Variants in GPC3 observed in about 807,000 individuals in gnomAD.
GPC3 encodes glypican 3, also known as glypican-3.
In GPC3, 3 loss-of-function variants were observed where a neutral mutation model predicts 34.4. The ratio of observed to expected loss-of-function variants is 0.09; its 90% CI spans 0.04 to 0.23. The LOEUF (loss-of-function observed/expected upper bound fraction) is 0.23, where lower values mean the gene tolerates loss of function less well. Ranked by LOEUF, GPC3 falls within the 10% of genes least tolerant of loss-of-function variation. The probability of loss-of-function intolerance (pLI) is 1.00; values close to 1 mark genes in which losing one functional copy is unlikely to be tolerated. For synonymous variants in GPC3, 177 were observed against 174.0 expected (o/e 1.02, Z -0.13); for missense variants, 351 against 445.6 (o/e 0.79, Z 1.91).
intron 2 of GPC3, among the ~76,000 whole-genome samples, chrX:133,938,056 G>C (rs956809455): frequency 8.9e-6 from 1 of 111,797 alleles, no homozygotes; most frequent in Non-Finnish European, 1.9e-5. Flanking sequence ...TCAACAAATA[G>C]GATGTTTTCC....
At chrX:133,782,613 C>G (rs1166107321) in intron 2 of GPC3, among the ~76,000 whole-genome samples, 3 of 111,695 alleles carry the variant, frequency 2.7e-5, no homozygotes, top group Non-Finnish European at 5.6e-5. Context: ...TAGCACCTTA[C>G]TATAAAACAG....
At chrX:133,912,829 A>C (rs2124608400) in intron 2 of GPC3, among the ~76,000 whole-genome samples, 1 of 112,066 alleles carries the variant, frequency 8.9e-6, no homozygotes, top group Admixed American at 9.4e-5. Flanking sequence ...CAGATGATGT[A>C]TATAAAGCAC....
intron 2 of GPC3, among the ~76,000 whole-genome samples, chrX:133,914,658 C>T (rs1052774078): frequency 9.1e-6 from 1 of 110,128 alleles, no homozygotes; most frequent in Non-Finnish European, 1.9e-5. Flanking sequence ...GTACCTTCCT[C>T]GAGGTGCTGT....
rs182137359 is a variant in GPC3 at position 133,722,019 on chromosome X, G to A, written c.1033-21991C>T. On this transcript the variant is annotated intron_variant, in intron 3 of 7. Transcript: ENST00000370818. ...GACAACCTACAGAATGAGAGATAAC[G>A]TTCTCAAATCATATATCTAATAAGG... is the stretch of plus-strand genomic sequence containing the variant. Among the ~76,000 whole-genome samples the A allele has an allele frequency of 2.0e-3, 216 of 110,662 alleles. 1 individual carries two copies. Among genetic ancestry groups the A allele is most frequent in the Middle Eastern group, 9.3e-3 (2 of 215 alleles).
chrX:133,670,146 C>A (rs2070812887), intron 5 of GPC3, among the ~76,000 whole-genome samples: 1 of 111,746 alleles, frequency 8.9e-6, no homozygotes, highest in Non-Finnish European at 1.9e-5. Flanking sequence ...CTTCTCATTT[C>A]TGTTCTGGCT....
At chrX:133,806,468 T>G (rs2075636013) in intron 2 of GPC3, among the ~76,000 whole-genome samples, 1 of 111,648 alleles carries the variant, frequency 9.0e-6, no homozygotes, top group Admixed American at 9.5e-5. Flanking sequence ...GAAAGTTGTA[T>G]GCTGTACAAG....
At chrX:133,776,282 G>A (rs1390883999) in intron 2 of GPC3, among the ~76,000 whole-genome samples, 3 of 110,892 alleles carry the variant, frequency 2.7e-5, no homozygotes, top group Admixed American at 9.6e-5. Context: ...AATGACTGGC[G>A]CCCCCTCCTG....
At chrX:133,729,114 T>A in intron 3 of GPC3, among the ~76,000 whole-genome samples, 1 of 110,947 alleles carries the variant, frequency 9.0e-6, no homozygotes, top group East Asian at 2.9e-4. Context: ...CTAGCCACCA[T>A]GTTACCCTCT....
At chrX:133,630,547 A>G (rs1453709396) in intron 6 of GPC3, among the ~76,000 whole-genome samples, 1 of 111,873 alleles carries the variant, frequency 8.9e-6, no homozygotes, top group Non-Finnish European at 1.9e-5. Flanking sequence ...TAATGAAATT[A>G]CGAAACTCTA....
At chrX:133,653,639 C>A (rs991451730) in intron 6 of GPC3, among the ~76,000 whole-genome samples, 12 of 111,736 alleles carry the variant, frequency 1.1e-4, no homozygotes, top group Non-Finnish European at 2.3e-4. Context: ...CCCGGTGCAA[C>A]AACTGCCCAA....
chrX:133,579,787 C>T (rs1411409535), intron 7 of GPC3, among the ~76,000 whole-genome samples: 1 of 111,410 alleles, frequency 9.0e-6, no homozygotes, highest in Non-Finnish European at 1.9e-5. Context: ...CCTCCCACCT[C>T]GCCCTCCCAC....
chrX:133,547,066 A>G (rs2069393213), intron 7 of GPC3, among the ~76,000 whole-genome samples: 1 of 111,662 alleles, frequency 9.0e-6, no homozygotes, highest in Admixed American at 9.6e-5. Flanking sequence ...GAAATAAGCC[A>G]GGCACAGAAA....
intron 3 of GPC3, among the ~76,000 whole-genome samples, chrX:133,738,212 C>T (rs757751598): frequency 8.9e-6 from 1 of 112,340 alleles, no homozygotes; most frequent in African/African-American, 3.2e-5. Context: ...GATCCTCCCG[C>T]CTCAGCCTCC....
chrX:133,865,134 T>A (rs2075960985), intron 2 of GPC3, among the ~76,000 whole-genome samples: 1 of 112,144 alleles, frequency 8.9e-6, no homozygotes, highest in Non-Finnish European at 1.9e-5. Context: ...TGTTCTTTTA[T>A]TTGTATCCCA....
At chrX:133,863,975 TA>T (rs746848051) in intron 2 of GPC3, among the ~76,000 whole-genome samples, 1 of 111,769 alleles carries the variant, frequency 8.9e-6, no homozygotes, top group Non-Finnish European at 1.9e-5. Flanking sequence ...CTAAGAGAGA[TA>T]ACACACTACG....
At chrX:133,855,144 T>TTTCTC (rs368580957) in intron 2 of GPC3, among the ~76,000 whole-genome samples, 13 of 111,137 alleles carry the variant, frequency 1.2e-4, no homozygotes, top group East Asian at 5.6e-4. Flanking sequence ...AGATGTTCTT[T>TTTCTC]TTCTCTTCTC....
intron 3 of GPC3, among the ~76,000 whole-genome samples, chrX:133,700,926 T>C (rs774158629): frequency 9.0e-6 from 1 of 111,222 alleles, no homozygotes; most frequent in South Asian, 3.8e-4. Context: ...CTATGAATCA[T>C]ATATCATTAA....
chrX:133,711,974 T>G (rs2124447634), intron 3 of GPC3, among the ~76,000 whole-genome samples: 1 of 112,538 alleles, frequency 8.9e-6, no homozygotes, highest in South Asian at 3.7e-4. Flanking sequence ...TTTTGTAGTC[T>G]TGTTTTGCAA....
chrX:133,703,661 C>T (rs750789754), intron 3 of GPC3, among the ~76,000 whole-genome samples: 10 of 111,311 alleles, frequency 9.0e-5, no homozygotes, highest in Admixed American at 2.9e-4. Flanking sequence ...AGTGTTTCAC[C>T]GTGTTAGCTA....
Sources: allele counts gnomAD v4.1 joint callset (sites outside exome capture counted in the v4.1 genomes callset), GRCh38; gene constraint gnomAD v4.1.1; transcripts MANE v1.5; gene names NCBI Gene and HGNC (gene_info 2026-07-23, HGNC 2026-07-21).